AFG1L: variants seen among roughly 807,000 people sequenced by gnomAD.
The protein encoded by AFG1L is AFG1-like ATPase.
Under a neutral mutation model 62.2 loss-of-function variants are expected in AFG1L, and 53 were observed. The observed-to-expected ratio is 0.85, with a 90% CI of 0.68 to 1.07. AFG1L has a LOEUF of 1.07. AFG1L is among the 50% of genes least tolerant of loss of function. AFG1L has a pLI of 0.00. For synonymous variants in AFG1L, 228 were observed against 210.3 expected (o/e 1.08, Z -0.73); for missense variants, 555 against 590.5 (o/e 0.94, Z 0.62).
chr6:108,435,917 A>C (rs1443508716), intron 7 of AFG1L, among the ~76,000 whole-genome samples: 2 of 152,222 alleles, frequency 1.3e-5, no homozygotes, highest in Non-Finnish European at 2.9e-5. Flanking sequence ...TCAGTTAATA[A>C]ATATTTACTG....
chr6:108,412,194 G>T (rs1451564946), intron 7 of AFG1L, among the ~76,000 whole-genome samples: 1 of 152,168 alleles, frequency 6.6e-6, no homozygotes, highest in Non-Finnish European at 1.5e-5. Context: ...ATGAAATGAA[G>T]CCAGAAGAGA....
At chr6:108,446,595 C>T in intron 7 of AFG1L, among the ~76,000 whole-genome samples, 1 of 151,602 alleles carries the variant, frequency 6.6e-6, no homozygotes. Context: ...ACCTCCACCT[C>T]CCAGGCTCAA....
At chr6:108,411,409 G>GT (rs1782105645) in intron 7 of AFG1L, among the ~76,000 whole-genome samples, 1 of 152,188 alleles carries the variant, frequency 6.6e-6, no homozygotes. Flanking sequence ...TTTCAAGAGA[G>GT]TAGGGGTTCT....
At chr6:108,303,284 C>CTA (rs1777079468) in intron 1 of AFG1L, among the ~76,000 whole-genome samples, 2 of 152,146 alleles carry the variant, frequency 1.3e-5, no homozygotes, top group Non-Finnish European at 2.9e-5. Context: ...TGGGCTCAAG[C>CTA]TATCCTCCTG....
At chr6:108,513,280 G>A (rs917651943) in intron 11 of AFG1L, among the ~76,000 whole-genome samples, 9 of 152,248 alleles carry the variant, frequency 5.9e-5, no homozygotes, top group Non-Finnish European at 1.3e-4. Context: ...GACAGTGGGT[G>A]CAGCGCACCG....
chr6:108,447,333 C>T (rs752697312), intron 8 of AFG1L, 37 bp downstream of exon 8: 22 of 1,165,774 alleles, frequency 1.9e-5, no homozygotes, highest in Non-Finnish European at 2.4e-5. Context: ...AATGTCTAAT[C>T]GTTAATCAGA....
chr6:108,396,092 T>C (rs1781293472), intron 6 of AFG1L, among the ~76,000 whole-genome samples: 1 of 151,852 alleles, frequency 6.6e-6, no homozygotes, highest in African/African-American at 2.4e-5. Context: ...TTGCCCAGGC[T>C]GATCTTGAAC....
chr6:108,330,649 C>T (rs1164297336), intron 2 of AFG1L, among the ~76,000 whole-genome samples: 1 of 152,174 alleles, frequency 6.6e-6, no homozygotes, highest in African/African-American at 2.4e-5. Context: ...GCCATCCGAA[C>T]AGCTAAGGAG....
At chr6:108,310,112 C>G in intron 1 of AFG1L, among the ~76,000 whole-genome samples, 1 of 152,162 alleles carries the variant, frequency 6.6e-6, no homozygotes, top group Non-Finnish European at 1.5e-5. Context: ...GGTTCAGGAA[C>G]CCCAAGCTTA....
intron 2 of AFG1L, among the ~76,000 whole-genome samples, chr6:108,339,910 TTA>T (rs1778616050): frequency 6.6e-6 from 1 of 152,168 alleles, no homozygotes; most frequent in South Asian, 2.1e-4. Context: ...TACAATCAAA[TTA>T]TATACTCTTT....
At chr6:108,507,833 A>G (rs1045707512) in intron 10 of AFG1L, among the ~76,000 whole-genome samples, 2 of 152,072 alleles carry the variant, frequency 1.3e-5, no homozygotes, top group Non-Finnish European at 2.9e-5. Flanking sequence ...GCTTTCGGGG[A>G]TTGTTTTCAC....
intron 8 of AFG1L, among the ~76,000 whole-genome samples, chr6:108,463,569 G>A (rs776311796): frequency 2.0e-5 from 3 of 152,114 alleles, no homozygotes; most frequent in Admixed American, 2.0e-4. Flanking sequence ...ATTTTATATG[G>A]GAGTTTGTGG....
At chr6:108,407,675 A>AAATTAAAAAAAAAAAT in intron 7 of AFG1L, among the ~76,000 whole-genome samples, 1 of 142,138 alleles carries the variant, frequency 7.0e-6, no homozygotes, top group South Asian at 2.4e-4. Context: ...ACAAAGCAAT[A>AAATTAAAAAAAAAAAT]CCCTGTCTCT....
chr6:108,442,885 A>C (rs1393776109), intron 7 of AFG1L, among the ~76,000 whole-genome samples: 2 of 152,006 alleles, frequency 1.3e-5, no homozygotes, highest in African/African-American at 4.8e-5. Context: ...TACTCTCCTG[A>C]GCCCCTTAGC....
intron 5 of AFG1L, among the ~76,000 whole-genome samples, chr6:108,360,949 G>A (rs1301562228): frequency 6.6e-6 from 1 of 152,232 alleles, no homozygotes; most frequent in Non-Finnish European, 1.5e-5. Context: ...TCTGCACAGA[G>A]TGGTCCCTCT....
intron 6 of AFG1L, among the ~76,000 whole-genome samples, chr6:108,396,199 G>T (rs1781301402): frequency 6.6e-6 from 1 of 151,850 alleles, no homozygotes; most frequent in Non-Finnish European, 1.5e-5. Context: ...CTTTTAAAAG[G>T]AATGTTTATA....
intron 7 of AFG1L, among the ~76,000 whole-genome samples, chr6:108,431,836 G>C (rs377169480): frequency 1.3e-5 from 2 of 150,660 alleles, no homozygotes; most frequent in African/African-American, 4.9e-5. Flanking sequence ...CACCTGCCTC[G>C]GCCTCCCAAA....
At chr6:108,470,845 G>GT (rs769181156) in intron 8 of AFG1L, among the ~76,000 whole-genome samples, 9 of 152,298 alleles carry the variant, frequency 5.9e-5, no homozygotes, top group Non-Finnish European at 8.8e-5. Flanking sequence ...ACATAAGAGT[G>GT]TTGTTTGAGA....
intron 10 of AFG1L, among the ~76,000 whole-genome samples, chr6:108,479,425 G>C (rs1169842224): frequency 6.6e-6 from 1 of 152,104 alleles, no homozygotes; most frequent in East Asian, 1.9e-4. Context: ...CTGTAATTGT[G>C]GGGTGTTTAC....
Sources: allele counts gnomAD v4.1 joint callset (sites outside exome capture counted in the v4.1 genomes callset), GRCh38; gene constraint gnomAD v4.1.1; transcripts MANE v1.5; gene names NCBI Gene and HGNC (gene_info 2026-07-23, HGNC 2026-07-21).